The following CRAMP1 variants were observed in gnomAD, a reference collection of about 807,000 sequenced individuals.
CRAMP1 encodes cramped chromatin regulator 1, also known as protein cramped-like.
Under a neutral mutation model 115.4 loss-of-function variants are expected in CRAMP1, and 50 were observed. That is an observed-to-expected ratio of 0.43 (90% CI 0.35 to 0.55). The LOEUF is 0.55. Among genes scored for constraint, CRAMP1 ranks in the 20% least tolerant of loss-of-function variants. The pLI, the probability that CRAMP1 is intolerant of heterozygous loss-of-function variation, is 0.01. For synonymous variants in CRAMP1, 866 were observed against 745.4 expected (o/e 1.16, Z -2.64); for missense variants, 1,679 against 1,721.7 (o/e 0.98, Z 0.44).
Position 1,668,042 on chromosome 16 carries a change from G to A in CRAMP1, c.3183G>A (p.Glu1061=). The change falls in exon 18 of 21, where the codon GAG becomes GAA. Residue 1061 remains glutamate, a synonymous_variant. Transcript: ENST00000397412. The part of the protein sequence containing the change: ...NGLSIPLSSS[E]SSSTRLSPPD... ...TCTCCATACCGCTGTCCTCGTCAGA[G>A]AGCTCCAGCACCCGGCTGTCTCCAC... 6.2e-7 allele frequency: 1 copy of A among 1,613,922 alleles called. No homozygotes were observed. Among genetic ancestry groups the A allele is most frequent in the Non-Finnish European group, 8.5e-7 (1 of 1,179,888 alleles).
intron 5 of CRAMP1, among the ~76,000 whole-genome samples, chr16:1,639,593 C>A (rs528493931): frequency 6.6e-6 from 1 of 152,124 alleles, no homozygotes; most frequent in African/African-American, 2.4e-5. Context: ...AGACTTGGCC[C>A]CAGTCTTGGG....
chr16:1,622,971 G>C (rs1446691191), intron 2 of CRAMP1, among the ~76,000 whole-genome samples: 1 of 151,990 alleles, frequency 6.6e-6, no homozygotes, highest in Non-Finnish European at 1.5e-5. Context: ...ACATTGGCCA[G>C]ACTGATCTCG....
chr16:1,627,441 G>T (rs2036516752), intron 3 of CRAMP1, among the ~76,000 whole-genome samples: 1 of 152,200 alleles, frequency 6.6e-6, no homozygotes, highest in African/African-American at 2.4e-5. Flanking sequence ...ATTAATTGGG[G>T]TGATGGAGAA....
At chr16:1,649,802 T>TC (rs2036708177) in intron 6 of CRAMP1, among the ~76,000 whole-genome samples, 4 of 145,978 alleles carry the variant, frequency 2.7e-5, no homozygotes, top group Admixed American at 2.0e-4. Context: ...TTTTTTTTTT[T>TC]TTTTTTTTGA....
intron 19 of CRAMP1, among the ~76,000 whole-genome samples, chr16:1,670,132 G>T (rs2036909725): frequency 6.6e-6 from 1 of 151,802 alleles, no homozygotes; most frequent in Admixed American, 6.6e-5. Flanking sequence ...AGGTGTGGGG[G>T]GTGCATGCCT....
In CRAMP1 at chr16:1,674,522, T is replaced by A. The variant is rs548210034; in HGVS notation, c.*477T>A. ...TGCATCAGCTGTGCCCTCTGTGGAC[T>A]GTAACGGGCAGGACAGTTGGGTGTG... On this transcript the variant is annotated 3_prime_UTR_variant, in exon 21 of 21. Transcript: ENST00000397412. 1.0e-4 allele frequency: 17 copies of A among 168,514 alleles called. No homozygotes were observed. The highest frequency in any genetic ancestry group is 2.2e-4 in the Non-Finnish European group (17 of 77,776). 10.4% of individuals were successfully genotyped at this position (168,514 alleles called of 1,614,324 possible). A position where few individuals can be genotyped will look rare whatever the true frequency, so the allele number is the denominator to read the frequency against.
chr16:1,614,604 C>A lies in CRAMP1; in HGVS notation c.-1-35C>A, dbSNP rs1005767706. On this transcript the variant is annotated intron_variant, in intron 1 of 20. Coordinates refer to ENST00000397412, the MANE Select transcript of CRAMP1 (RefSeq NM_020825.4). This position sits in a 1 kb window ranked among gnomAD's most constrained non-coding sequence, Gnocchi z 4.4. The stretch of plus-strand genomic sequence containing the variant: ...GCCGCTAAACTTCCCGGCCTGCGCC[C>A]GCCTCACCGGCCGCCTCCCCTCTCC... 5.0e-6 allele frequency: 6 copies of A among 1,201,804 alleles called. No homozygotes were observed. The highest frequency in any genetic ancestry group is 4.1e-5 in the South Asian group (1 of 24,498). The allele number at this position is 1,201,804 out of a possible 1,614,324, so 74.4% of individuals were successfully genotyped here. A position where few individuals can be genotyped will look rare whatever the true frequency, so the allele number is the denominator to read the frequency against.
intron 2 of CRAMP1, among the ~76,000 whole-genome samples, chr16:1,617,162 T>G (rs1398357692): frequency 6.6e-6 from 1 of 152,184 alleles, no homozygotes; most frequent in Non-Finnish European, 1.5e-5. Context: ...TAAGCTAAGC[T>G]GTGATGGTGG....
At chr16:1,665,763 C>T (rs2036868986) in intron 14 of CRAMP1, 1 of 392,710 alleles carries the variant, frequency 2.5e-6, no homozygotes, top group Admixed American at 4.1e-5. Flanking sequence ...TCTGACTGCC[C>T]TGGGGCCTGT....
At chr16:1,640,230 T>G (rs185786615) in intron 5 of CRAMP1, among the ~76,000 whole-genome samples, 121 of 152,322 alleles carry the variant, frequency 7.9e-4, no homozygotes, top group African/African-American at 1.3e-3. Flanking sequence ...ATCTGAAAAT[T>G]CTTTATTTCA....
rs1051428328 is a variant in CRAMP1 at position 1,674,168 on chromosome 16, A to G, written c.*123A>G. The G allele has an allele frequency of 1.4e-5, 14 of 980,698 alleles. No homozygotes were observed. The African/African-American group carries it at 1.6e-4, about 11-fold the overall frequency. 60.7% of individuals were successfully genotyped at this position (980,698 alleles called of 1,614,324 possible). A position where few individuals can be genotyped will look rare whatever the true frequency, so the allele number is the denominator to read the frequency against. Reference sequence around the variant, plus strand: ...ACCCAAGACTGTGCAACGGGCAGGAACGTGGTCACAGAGCTGCTTCCCCAC... The same window carrying G: ...ACCCAAGACTGTGCAACGGGCAGGAGCGTGGTCACAGAGCTGCTTCCCCAC... On this transcript the variant is annotated 3_prime_UTR_variant, in exon 21 of 21. Coordinates refer to ENST00000397412, the MANE Select transcript of CRAMP1 (RefSeq NM_020825.4).
intron 3 of CRAMP1, 135 bp from the exon 4 acceptor site, chr16:1,632,077 G>C: frequency 1.1e-6 from 1 of 921,560 alleles, no homozygotes. Flanking sequence ...ACACAGATAA[G>C]AGCTTGGAAG....
intron 8 of CRAMP1, 30 bp from the exon 9 acceptor site, chr16:1,655,189 C>G: frequency 1.3e-6 from 2 of 1,585,640 alleles, no homozygotes; most frequent in African/African-American, 2.7e-5. Context: ...TTCTGCGAAC[C>G]TCACTTCCTC....
rs534389231 is a variant in CRAMP1, at chr16:1,633,742, C to T, written c.694+1377C>T. ...TTTCATTGTCGGCCTCTTCCTGTGT[C>T]GTCTGTCCTTTGCATCGTTCATTAG... is the stretch of plus-strand genomic sequence containing the variant. On this transcript the variant is annotated intron_variant, in intron 4 of 20. Coordinates refer to ENST00000397412, the MANE Select transcript of CRAMP1 (RefSeq NM_020825.4). Among the ~76,000 whole-genome samples, 25 of 152,268 alleles carry T rather than the reference C, an allele frequency of 1.6e-4. No homozygotes were observed. In the East Asian group the frequency reaches 2.1e-3, roughly 13 times the overall value.
chr16:1,638,804 G>T (rs934967162), intron 5 of CRAMP1, among the ~76,000 whole-genome samples: 1 of 151,978 alleles, frequency 6.6e-6, no homozygotes, highest in Admixed American at 6.6e-5. Context: ...ACCACACTCT[G>T]TCCCCTTGCT....
chr16:1,655,985 C>T lies in CRAMP1; in HGVS notation c.1228C>T (p.Pro410Ser), dbSNP rs1357815342. 3 of 1,613,042 alleles carry T rather than the reference C, an allele frequency of 1.9e-6. No homozygotes were observed. The highest frequency in any genetic ancestry group is 1.7e-5 in the Admixed American group (1 of 60,018). ...PGENCTLTPL[P>S]GVARVVHSKA... ...CGAGAACTGTACACTGACACCGCTGCCGGGCGTGGCTCGCGTGGTGCACTC... is the reference window on the plus strand; with the variant it reads ...CGAGAACTGTACACTGACACCGCTGTCGGGCGTGGCTCGCGTGGTGCACTC... Residue 410 changes from proline (P) to serine (S), a missense_variant, in exon 10 of 21, where the codon CCG becomes TCG. Coordinates refer to ENST00000397412, the MANE Select transcript of CRAMP1 (RefSeq NM_020825.4).
rs562672363 is a variant in CRAMP1, at chr16:1,625,679, G to C, written c.347-294G>C. 4.8e-5 allele frequency: 13 copies of C among 270,896 alleles called. No individual in the cohort carries two copies. The South Asian group carries it at 1.1e-3, about 22-fold the overall frequency. The allele number at this position is 270,896 out of a possible 1,614,324, so 16.8% of individuals were successfully genotyped here. On this transcript the variant is annotated intron_variant, in intron 2 of 20. Coordinates refer to ENST00000397412, the MANE Select transcript of CRAMP1 (RefSeq NM_020825.4). The stretch of plus-strand genomic sequence containing the variant: ...GGGAAGGGATCTCTGTCTCCATTGT[G>C]GACAGGGCGTCTTAGGCTGCAGCGT...
intron 2 of CRAMP1, among the ~76,000 whole-genome samples, chr16:1,619,337 C>A (rs2036446975): frequency 6.6e-6 from 1 of 152,122 alleles, no homozygotes; most frequent in African/African-American, 2.4e-5. Flanking sequence ...CATGCTGCTA[C>A]ACCCGACTAA....
At chr16:1,628,311 T>C (rs1256344286) in intron 3 of CRAMP1, among the ~76,000 whole-genome samples, 4 of 152,252 alleles carry the variant, frequency 2.6e-5, no homozygotes, top group African/African-American at 9.6e-5. Context: ...TGGAGCGCAG[T>C]GGCACGATCT....
Sources: allele counts gnomAD v4.1 joint callset (sites outside exome capture counted in the v4.1 genomes callset), GRCh38; gene constraint gnomAD v4.1.1; non-coding constraint Gnocchi (gnomAD v3.1); transcripts MANE v1.5; gene names NCBI Gene and HGNC (gene_info 2026-07-23, HGNC 2026-07-21).